The following FGF13 variants were observed in gnomAD, a reference collection of about 807,000 sequenced individuals.
FGF13 encodes fibroblast growth factor homologous factor 2.
In FGF13, 2 loss-of-function variants were observed where a neutral mutation model predicts 19.5. The observed-to-expected ratio is 0.10, with a 90% CI of 0.04 to 0.32. FGF13 has a LOEUF of 0.32. Among genes scored for constraint, FGF13 ranks in the 10% least tolerant of loss-of-function variants. The probability of loss-of-function intolerance (pLI) is 1.00; values close to 1 mark genes in which losing one functional copy is unlikely to be tolerated. For synonymous variants in FGF13, 72 were observed against 76.9 expected, an observed-to-expected ratio of 0.94 and a Z score of 0.33; for missense variants, 113 against 192.7, an observed-to-expected ratio of 0.59 and a Z score of 2.45.
chrX:139,120,516 A>T (rs2124471430), intron 1 of FGF13, among the ~76,000 whole-genome samples: 1 of 111,716 alleles, frequency 9.0e-6, no homozygotes, highest in South Asian at 3.8e-4. Flanking sequence ...ATTGGAATCC[A>T]CTCAGTCTGG....
intron 1 of FGF13, among the ~76,000 whole-genome samples, chrX:138,914,406 T>C (rs2091607475): frequency 9.0e-6 from 1 of 111,414 alleles, no homozygotes; most frequent in South Asian, 3.8e-4. Flanking sequence ...CTCAGCCTGC[T>C]CTTTCTGAAA....
chrX:139,125,743 A>G (rs1456100499), intron 1 of FGF13, among the ~76,000 whole-genome samples: 1 of 111,773 alleles, frequency 8.9e-6, no homozygotes, highest in Non-Finnish European at 1.9e-5. Context: ...ATGGCTGACA[A>G]GCACACAGCT....
At chrX:138,666,306 A>T (rs2089543670) in intron 3 of FGF13, among the ~76,000 whole-genome samples, 1 of 111,565 alleles carries the variant, frequency 9.0e-6, no homozygotes, top group Non-Finnish European at 1.9e-5. Context: ...TCCTGAAAAG[A>T]AAAAAATGTG....
intron 1 of FGF13, among the ~76,000 whole-genome samples, chrX:138,979,079 A>G (rs1311823727): frequency 8.9e-6 from 1 of 112,156 alleles, no homozygotes; most frequent in East Asian, 2.8e-4. Flanking sequence ...AATGTAAGAG[A>G]ACATACAAAC....
At chrX:138,817,970 CA>C (rs1230605601) in intron 3 of FGF13, among the ~76,000 whole-genome samples, 1 of 111,251 alleles carries the variant, frequency 9.0e-6, no homozygotes, top group Non-Finnish European at 1.9e-5. Flanking sequence ...CTATTATTAC[CA>C]AAACATACAG....
chrX:138,638,337 C>G (rs767242802), intron 3 of FGF13, among the ~76,000 whole-genome samples: 1 of 112,103 alleles, frequency 8.9e-6, no homozygotes, highest in East Asian at 2.8e-4. Flanking sequence ...TTTACTGATG[C>G]CATTCATTTC....
intron 3 of FGF13, among the ~76,000 whole-genome samples, chrX:138,810,514 C>T (rs922516990): frequency 2.7e-5 from 3 of 111,582 alleles, no homozygotes; most frequent in Non-Finnish European, 3.8e-5. Flanking sequence ...TAGGCAATAC[C>T]ATTCAGGACA....
intron 1 of FGF13, among the ~76,000 whole-genome samples, chrX:139,191,947 T>C (rs1207266458): frequency 9.0e-6 from 1 of 111,617 alleles, no homozygotes; most frequent in Non-Finnish European, 1.9e-5. Context: ...CTGAATGGCA[T>C]GCCCGAAGCT....
intron 3 of FGF13, among the ~76,000 whole-genome samples, chrX:138,834,550 A>G (rs1405571509): frequency 1.9e-5 from 2 of 108,095 alleles, no homozygotes; most frequent in Non-Finnish European, 3.8e-5. Flanking sequence ...CTTCTTTATT[A>G]GTCTAACTAG....
In FGF13 at chrX:139,169,645, G is replaced by A. The variant is rs139951015; in HGVS notation, c.-113+33771C>T. On this transcript the variant is annotated intron_variant, in intron 1 of 2. Coordinates refer to the FGF13 transcript ENST00000421460. ...GGCCCTGCTTTCTACCTAGAACCCA[G>A]AAATTCCTTTCATGAATTCGGCCTG... is the stretch of plus-strand genomic sequence containing the variant. Among the ~76,000 whole-genome samples the A allele has an allele frequency of 5.5e-3, 606 of 110,931 alleles. 2 individuals are homozygous for A. Among genetic ancestry groups the A allele is most frequent in the African/African-American group, 0.019 (570 of 30,497 alleles).
intron 1 of FGF13, among the ~76,000 whole-genome samples, chrX:139,103,178 T>C (rs776751841): frequency 1.8e-5 from 2 of 112,151 alleles, no homozygotes; most frequent in East Asian, 5.7e-4. Context: ...GAAGACATAA[T>C]GAGAGCTGTA....
intron 1 of FGF13, among the ~76,000 whole-genome samples, chrX:139,075,113 C>A (rs1381764210): frequency 8.9e-6 from 1 of 112,034 alleles, no homozygotes; most frequent in African/African-American, 3.3e-5. Context: ...ACTTGATTAA[C>A]AACTCACTTC....
intron 1 of FGF13, among the ~76,000 whole-genome samples, chrX:139,090,249 A>G (rs1193866991): frequency 8.9e-6 from 1 of 111,788 alleles, no homozygotes; most frequent in East Asian, 2.8e-4. Flanking sequence ...AGAGATTCCC[A>G]TAGATCAAGA....
intron 3 of FGF13, among the ~76,000 whole-genome samples, chrX:138,825,296 C>A (rs765296860): frequency 8.9e-6 from 1 of 111,821 alleles, no homozygotes; most frequent in East Asian, 2.8e-4. Context: ...CAAATTCATA[C>A]TCCACATCTC....
chrX:138,790,035 A>C (rs2090728599), intron 3 of FGF13, among the ~76,000 whole-genome samples: 1 of 21,861 alleles, frequency 4.6e-5, no homozygotes, highest in African/African-American at 1.8e-4. Flanking sequence ...ACAGAGCGAG[A>C]CTCCATTCAA....
At chrX:138,680,193 C>CT (rs1463419647) in intron 3 of FGF13, among the ~76,000 whole-genome samples, 1 of 111,826 alleles carries the variant, frequency 8.9e-6, no homozygotes, top group Non-Finnish European at 1.9e-5. Flanking sequence ...TCTGCAGTTA[C>CT]TTTTTCTAAT....
intron 3 of FGF13, among the ~76,000 whole-genome samples, chrX:138,660,357 G>A (rs746944893): frequency 1.3e-4 from 15 of 111,797 alleles, no homozygotes; most frequent in Non-Finnish European, 2.1e-4. Flanking sequence ...TTACCCAGCT[G>A]TATATTGTGT....
At chrX:138,923,785 T>C (rs2124247488) in intron 1 of FGF13, among the ~76,000 whole-genome samples, 1 of 111,968 alleles carries the variant, frequency 8.9e-6, no homozygotes, top group East Asian at 2.8e-4. Context: ...GCCTCTGTGC[T>C]TGCTGTTTCC....
intron 3 of FGF13, among the ~76,000 whole-genome samples, chrX:138,670,784 T>C (rs2089603191): frequency 1.8e-5 from 2 of 111,981 alleles, no homozygotes; most frequent in South Asian, 7.4e-4. Flanking sequence ...AACTTATATT[T>C]ACATGTAAAC....
Sources: gnomAD v4.1 joint callset for allele counts (sites outside exome capture counted in the v4.1 genomes callset) on GRCh38, gnomAD v4.1.1 for gene constraint, MANE v1.5 for transcripts, NCBI Gene and HGNC (gene_info 2026-07-23, HGNC 2026-07-21) for gene names.